Variants in PLCB2 observed in about 807,000 individuals in gnomAD.
The protein encoded by PLCB2 is phospholipase C beta 2.
PLCB2 carries 115 observed loss-of-function variants against 141.7 expected under a neutral mutation model. The observed-to-expected ratio is 0.81, with a 90% CI of 0.70 to 0.95. PLCB2 has a LOEUF of 0.95. Among genes scored for constraint, PLCB2 ranks in the 40% least tolerant of loss-of-function variants. The pLI is 0.00. For synonymous variants in PLCB2, 603 were observed against 595.6 expected, an observed-to-expected ratio of 1.01 and a Z score of -0.18; for missense variants, 1,403 against 1,541.1, an observed-to-expected ratio of 0.91 and a Z score of 1.50.
rs749126281 is a variant in PLCB2 at position 40,289,995 on chromosome 15, G to GTA, written c.3267+29_3267+30insTA. The GTA allele has an allele frequency of 1.6e-5, 19 of 1,168,576 alleles. No individual in the cohort carries two copies. The East Asian group carries it at 4.2e-4, about 26-fold the overall frequency. The allele number at this position is 1,168,576 out of a possible 1,614,324, so 72.4% of individuals were successfully genotyped here. On this transcript the variant is annotated intron_variant, in intron 30 of 31. Coordinates refer to ENST00000260402, the MANE Select transcript of PLCB2 (RefSeq NM_004573.3). Reference sequence around the variant, plus strand: ...TGTGTGTGTGTGTGTGTGTGTGTGTGTGTTTAGGAAGGACACAGCCCTTAC... The same window carrying GTA: ...TGTGTGTGTGTGTGTGTGTGTGTGTGTATGTTTAGGAAGGACACAGCCCTTAC...
Position 40,296,403 on chromosome 15 carries a change from G to A in PLCB2, c.1600-11C>T, listed in dbSNP as rs769527711. 3 of 1,613,628 alleles carry A rather than the reference G, an allele frequency of 1.9e-6. No individual in the cohort carries two copies. Among genetic ancestry groups the A allele is most frequent in the African/African-American group, 2.7e-5 (2 of 74,922 alleles). On this transcript the variant is annotated splice_polypyrimidine_tract_variant and intron_variant, in intron 15 of 31. Transcript: ENST00000260402. ...CAGGCCCGCTGTGCCCTAAGGAGAA[G>A]AGGGGAGGGCAAAGAAGAGGAGGAT... is the stretch of plus-strand genomic sequence containing the variant.
intron 7 of PLCB2, among the ~76,000 whole-genome samples, chr15:40,299,496 TA>T (rs1353429708): frequency 6.6e-6 from 1 of 152,066 alleles, no homozygotes; most frequent in Non-Finnish European, 1.5e-5. Flanking sequence ...CAGAATGAGG[TA>T]GAAAAGAGGT....
chr15:40,292,205 G>A, intron 22 of PLCB2, 47 bp from the exon 23 acceptor site: 1 of 1,561,950 alleles, frequency 6.4e-7, no homozygotes, highest in African/African-American at 1.4e-5. Context: ...ATGGAGATGT[G>A]GCTGGAAGTC....
In PLCB2 at chr15:40,304,086, GAGA is replaced by G; in HGVS notation, c.85-11_85-9del. 6.3e-7 allele frequency: 1 copy of G among 1,585,308 alleles called. No homozygotes were observed. Among genetic ancestry groups the G allele is most frequent in the Non-Finnish European group, 8.6e-7 (1 of 1,164,172 alleles). On this transcript the variant is annotated splice_polypyrimidine_tract_variant and intron_variant, in intron 1 of 31. Coordinates refer to ENST00000260402, the MANE Select transcript of PLCB2 (RefSeq NM_004573.3). ...AGAGGCAACTGTAGTTTCCTGCAGA[GAGA>G]AGGAGCCAGCACTCTGTTCCAAGAC...
At chr15:40,298,055 A>T in intron 11 of PLCB2, 96 bp from the exon 12 acceptor site, 2 of 1,162,906 alleles carry the variant, frequency 1.7e-6, no homozygotes, top group Non-Finnish European at 2.5e-6. Context: ...CAATACACAC[A>T]TATAACTGCA....
At chr15:40,287,087 C>T (rs1032690579), downstream of PLCB2, among the ~76,000 whole-genome samples, 3 of 152,216 alleles carry the variant, frequency 2.0e-5, no homozygotes. Flanking sequence ...CCTTTACAGC[C>T]CAGTGCCTGG....
chr15:40,284,508 C>G (rs1292758458), downstream of PLCB2: 10 of 455,692 alleles, frequency 2.2e-5, no homozygotes, highest in East Asian at 5.6e-4. Flanking sequence ...TAAAGATAGG[C>G]CTTCAAGGAT....
rs752057168 is a variant in PLCB2, at chr15:40,293,550, T to C, written c.2226+10A>G. On this transcript the variant is annotated intron_variant, in intron 20 of 31. Transcript: ENST00000260402. ...AGACAGACTCTGCCCTGCCATGCCC[T>C]GGCCCCCACCTTCTCAAAGACAAAG... is the stretch of plus-strand genomic sequence containing the variant. The C allele has an allele frequency of 4.8e-5, 77 of 1,612,600 alleles. No individual in the cohort carries two copies. Among genetic ancestry groups the C allele is most frequent in the Non-Finnish European group, 6.2e-5 (73 of 1,178,832 alleles).
chr15:40,290,412 G>A (rs549180575), intron 29 of PLCB2, among the ~76,000 whole-genome samples, 165 bp downstream of exon 29: 3 of 152,346 alleles, frequency 2.0e-5, no homozygotes, highest in South Asian at 4.1e-4. Flanking sequence ...TCCGTGTTTT[G>A]TCTGAGGAGG....
intron 21 of PLCB2, 111 bp downstream of exon 21, chr15:40,292,815 A>G (rs532097219): frequency 1.3e-5 from 9 of 670,504 alleles, no homozygotes; most frequent in Non-Finnish European, 2.4e-5. Context: ...ACTCCTTACA[A>G]TGTGAGGGCT....
chr15:40,289,543 AG>A (rs758522004), intron 30 of PLCB2, 185 bp from the exon 31 acceptor site: 11 of 604,934 alleles, frequency 1.8e-5, no homozygotes, highest in Non-Finnish European at 2.7e-5. Context: ...AGATTATACA[AG>A]ACAGCTCATG....
rs376709624 is a variant in PLCB2, at chr15:40,296,780, G to A, written c.1452C>T (p.Ser484=). 9.9e-6 allele frequency: 16 copies of A among 1,613,818 alleles called. No individual in the cohort carries two copies. The African/African-American group carries it at 2.0e-4, about 20-fold the overall frequency. The change falls in exon 14 of 32, where the codon AGC becomes AGT. Residue 484 remains serine, a synonymous_variant. Transcript: ENST00000260402. ...CACCTGCAGGGGCACTGGGTGGGCT[G>A]CTGCCCTCAGCCTCCCCACCAGTAT... ...SKDTGGEAEG[S]SPPSAPAGEG... is the part of the protein sequence containing the mutation.
chr15:40,290,983 G>A, intron 27 of PLCB2, 35 bp downstream of exon 27: 1 of 1,568,274 alleles, frequency 6.4e-7, no homozygotes, highest in Non-Finnish European at 8.6e-7. Flanking sequence ...GGTCGGTGGG[G>A]CTGGTGGGGT....
At chr15:40,296,964 G>A (rs1389304264) in intron 13 of PLCB2, 56 bp from the exon 14 acceptor site, 1 of 1,577,536 alleles carries the variant, frequency 6.3e-7, no homozygotes, top group Non-Finnish European at 8.7e-7. Flanking sequence ...CATAGCCTGA[G>A]CTCCTTATTA....
Position 40,307,921 on chromosome 15 carries a change from G to A in PLCB2, c.-249C>T, listed in dbSNP as rs2040878062. ...CCCGCCCTGCCTGCCATGGGGGCCTGTGGTCACTGCTTCTGCCCAAGGAGG... is the reference window on the plus strand; with the variant it reads ...CCCGCCCTGCCTGCCATGGGGGCCTATGGTCACTGCTTCTGCCCAAGGAGG... On this transcript the variant is annotated 5_prime_UTR_variant, in exon 1 of 32. Coordinates refer to ENST00000260402, the MANE Select transcript of PLCB2 (RefSeq NM_004573.3). 2.8e-6 allele frequency: 1 copy of A among 357,572 alleles called. No homozygotes were observed. The highest frequency in any genetic ancestry group is 5.0e-6 in the Non-Finnish European group (1 of 200,256). 22.1% of individuals were successfully genotyped at this position (357,572 alleles called of 1,614,324 possible).
At chr15:40,292,779 T>A in intron 21 of PLCB2, 147 bp downstream of exon 21, 1 of 579,348 alleles carries the variant, frequency 1.7e-6, no homozygotes. Flanking sequence ...CTCTCTTAGG[T>A]TCCTGGAGAG....
Position 40,288,155 on chromosome 15 carries a change from C to G in PLCB2, c.*560G>C. Reference sequence around the variant, plus strand: ...AGGCAGCTTTTCCATTTCAGCCTCCCGTTCCGGACAGGCAGAGGGGAGGGG... The same window carrying G: ...AGGCAGCTTTTCCATTTCAGCCTCCGGTTCCGGACAGGCAGAGGGGAGGGG... On this transcript the variant is annotated 3_prime_UTR_variant, in exon 32 of 32. Transcript: ENST00000260402. 2.0e-6 allele frequency: 2 copies of G among 985,624 alleles called. No homozygotes were observed. The highest frequency in any genetic ancestry group is 2.4e-6 in the Non-Finnish European group (2 of 830,066). 61.1% of individuals were successfully genotyped at this position (985,624 alleles called of 1,614,324 possible). A position where few individuals can be genotyped will look rare whatever the true frequency, so the allele number is the denominator to read the frequency against.
At chr15:40,284,320 A>T (rs2039578824), downstream of PLCB2, 1 of 328,732 alleles carries the variant, frequency 3.0e-6, no homozygotes, top group African/African-American at 2.2e-5. Context: ...GCAGCGGGTA[A>T]GAGAGAGACA....
intron 2 of PLCB2, among the ~76,000 whole-genome samples, chr15:40,303,683 A>G (rs992032040): frequency 2.0e-5 from 3 of 151,990 alleles, no homozygotes; most frequent in African/African-American, 7.3e-5. Context: ...GCTGGGGCCT[A>G]TCTCTCATCT....
Sources: gnomAD v4.1 joint callset for allele counts (sites outside exome capture counted in the v4.1 genomes callset) on GRCh38, gnomAD v4.1.1 for gene constraint, MANE v1.5 for transcripts, NCBI Gene and HGNC (gene_info 2026-07-23, HGNC 2026-07-21) for gene names.